OSBPL9: variants seen among roughly 807,000 people sequenced by gnomAD.
The protein encoded by OSBPL9 is oxysterol-binding protein-related protein 9.
Under a neutral mutation model 106.6 loss-of-function variants are expected in OSBPL9, and 40 were observed. The ratio of observed to expected loss-of-function variants is 0.38; its 90% CI spans 0.29 to 0.49. The LOEUF is 0.49. Ranked by LOEUF, OSBPL9 falls within the 20% of genes least tolerant of loss-of-function variation. The pLI is 0.97. For synonymous variants in OSBPL9, 269 were observed against 295.4 expected (o/e 0.91, Z 0.92); for missense variants, 609 against 887.2 (o/e 0.69, Z 3.98).
the OSBPL9 span, among the ~76,000 whole-genome samples, chr1:51,544,836 G>GTTTTTTTTTTTTTTTTTT: frequency 7.9e-6 from 1 of 126,688 alleles, no homozygotes; most frequent in Non-Finnish European, 1.7e-5. Flanking sequence ...TAAGAGACAT[G>GTTTTTTTTTTTTTTTTTT]CTTTTTTTTT....
chr1:51,752,613 C>G (rs1459752735), intron 8 of OSBPL9: 1 of 451,942 alleles, frequency 2.2e-6, no homozygotes, highest in African/African-American at 2.0e-5. Flanking sequence ...AGTTTATTTT[C>G]TCACCGTTCT....
intron 1 of OSBPL9, among the ~76,000 whole-genome samples, chr1:51,590,431 T>C (rs1476286171): frequency 2.6e-5 from 4 of 151,628 alleles, no homozygotes; most frequent in African/African-American, 9.7e-5. Flanking sequence ...CCATCCTGGC[T>C]AACACGGTGA....
intron 4 of OSBPL9, among the ~76,000 whole-genome samples, chr1:51,734,058 A>G (rs1665094826): frequency 6.6e-6 from 1 of 152,202 alleles, no homozygotes; most frequent in South Asian, 2.1e-4. Context: ...TCCTTTGAAG[A>G]TGATGATAGT....
At position 51,756,375 on chromosome 1, in the gene OSBPL9, C is replaced by A; in HGVS notation, c.582+17C>A. 1 of 1,609,990 alleles carries A rather than the reference C, an allele frequency of 6.2e-7. No individual in the cohort carries two copies. The highest frequency in any genetic ancestry group is 8.5e-7 in the Non-Finnish European group (1 of 1,177,020). On this transcript the variant is annotated intron_variant, in intron 9 of 23. Coordinates refer to ENST00000428468, the MANE Select transcript of OSBPL9 (RefSeq NM_024586.6). Reference sequence around the variant, plus strand: ...GGAATGATAGTAAGTTTAATGTAATCTTTTTGTTTCCCTTTACTTCTGCAG... The same window carrying A: ...GGAATGATAGTAAGTTTAATGTAATATTTTTGTTTCCCTTTACTTCTGCAG...
exon 1 of OSBPL9, chr1:51,577,182 A>G (rs1357090272): frequency 6.6e-6 from 1 of 152,070 alleles, no homozygotes; most frequent in African/African-American, 2.4e-5. Flanking sequence ...TTCCGCCATG[A>G]TTATAAGCTT....
At chr1:51,574,510 T>C (rs1473256984), upstream of OSBPL9, among the ~76,000 whole-genome samples, 2 of 152,100 alleles carry the variant, frequency 1.3e-5, no homozygotes, top group African/African-American at 4.8e-5. Context: ...TCCCAGCTAC[T>C]CAGGAGGCTG....
chr1:51,772,863 A>G, intron 14 of OSBPL9, 140 bp downstream of exon 14: 1 of 683,768 alleles, frequency 1.5e-6, no homozygotes, highest in South Asian at 1.7e-5. Flanking sequence ...ATAGATGTAG[A>G]TAAGTAAACA....
chr1:51,787,067 C>T (rs144904265), intron 22 of OSBPL9, among the ~76,000 whole-genome samples: 2 of 152,284 alleles, frequency 1.3e-5, no homozygotes, highest in African/African-American at 4.8e-5. Flanking sequence ...GTAAGTTAGA[C>T]ATAGAGCCAG....
At chr1:51,736,381 A>G (rs890472253) in intron 4 of OSBPL9, among the ~76,000 whole-genome samples, 17 of 152,206 alleles carry the variant, frequency 1.1e-4, no homozygotes, top group African/African-American at 3.9e-4. Context: ...TGTTGAGTCT[A>G]TTCAAGTCAG....
chr1:51,613,735 C>T (rs1182415043), upstream of OSBPL9, among the ~76,000 whole-genome samples: 2 of 150,622 alleles, frequency 1.3e-5, no homozygotes, highest in African/African-American at 4.9e-5. Flanking sequence ...CCTTTTCTTT[C>T]TTTTCTTTTT....
intron 12 of OSBPL9, among the ~76,000 whole-genome samples, chr1:51,770,066 G>T (rs537126213): frequency 6.6e-6 from 1 of 152,060 alleles, no homozygotes; most frequent in East Asian, 1.9e-4. Flanking sequence ...AACCTCATGG[G>T]CTCAAGTGAT....
intron 14 of OSBPL9, 23 bp from the exon 15 acceptor site, chr1:51,776,810 G>A (rs779219532): frequency 6.6e-7 from 1 of 1,514,454 alleles, no homozygotes; most frequent in South Asian, 1.1e-5. Flanking sequence ...GATCTTCAAG[G>A]GTCAAATGTG....
At position 51,663,373 on chromosome 1, in the gene OSBPL9, A is replaced by G. The variant is rs7552045; in HGVS notation, c.163-6061A>G. Reference sequence around the variant, plus strand: ...AATTTATGAAGAGTCAAGAGTATCCATTCCTGATTCCTGCCTTCTCAGCCA... The same window carrying G: ...AATTTATGAAGAGTCAAGAGTATCCGTTCCTGATTCCTGCCTTCTCAGCCA... On this transcript the variant is annotated intron_variant, in intron 2 of 23. Coordinates refer to ENST00000428468, the MANE Select transcript of OSBPL9 (RefSeq NM_024586.6). Among the ~76,000 whole-genome samples, 6 of 152,166 alleles carry G rather than the reference A, an allele frequency of 3.9e-5. No individual in the cohort carries two copies. The East Asian group carries it at 1.2e-3, about 29-fold the overall frequency.
chr1:51,673,538 G>GA (rs1169778865), intron 3 of OSBPL9, among the ~76,000 whole-genome samples: 8 of 152,324 alleles, frequency 5.3e-5, no homozygotes, highest in African/African-American at 1.9e-4. Context: ...CAGTGTCCTG[G>GA]AGAAAGCAAG....
chr1:51,551,260 T>C, the OSBPL9 span, among the ~76,000 whole-genome samples: 5 of 152,204 alleles, frequency 3.3e-5, no homozygotes, highest in African/African-American at 1.2e-4. Flanking sequence ...GACTTCCTCA[T>C]TTTTACCCAG....
At chr1:51,717,718 G>T (rs1276352111) in intron 4 of OSBPL9, among the ~76,000 whole-genome samples, 2 of 150,298 alleles carry the variant, frequency 1.3e-5, no homozygotes, top group Non-Finnish European at 2.9e-5. Context: ...ACAAAGTACT[G>T]GTGAGGATGT....
At chr1:51,695,592 TAAG>T (rs1264254498) in intron 3 of OSBPL9, among the ~76,000 whole-genome samples, 1 of 152,152 alleles carries the variant, frequency 6.6e-6, no homozygotes, top group Non-Finnish European at 1.5e-5. Context: ...TGTTATTCCT[TAAG>T]AAGAACTTTG....
intron 4 of OSBPL9, among the ~76,000 whole-genome samples, chr1:51,727,239 A>T (rs1663290387): frequency 1.3e-5 from 2 of 152,036 alleles, no homozygotes; most frequent in African/African-American, 4.8e-5. Context: ...TATTAAAGGA[A>T]AATTTAAAAG....
intron 3 of OSBPL9, among the ~76,000 whole-genome samples, chr1:51,693,920 C>T (rs998858738): frequency 2.0e-5 from 3 of 152,170 alleles, no homozygotes; most frequent in African/African-American, 4.8e-5. Flanking sequence ...GAGCAAGACA[C>T]TAAAATGTGC....
Sources: allele counts gnomAD v4.1 joint callset (sites outside exome capture counted in the v4.1 genomes callset), GRCh38; gene constraint gnomAD v4.1.1; transcripts MANE v1.5; gene names NCBI Gene and HGNC (gene_info 2026-07-23, HGNC 2026-07-21).